The following INO80D variants were observed in gnomAD, a reference collection of about 807,000 sequenced individuals.
INO80D encodes INO80 complex subunit D.
INO80D carries 21 observed loss-of-function variants against 87.6 expected under a neutral mutation model. The ratio of observed to expected loss-of-function variants is 0.24; its 90% CI spans 0.17 to 0.35. The LOEUF is 0.35. Among genes scored for constraint, INO80D ranks in the 10% least tolerant of loss-of-function variants. INO80D has a pLI of 1.00. For missense variants in INO80D, 982 were observed against 1,280.7 expected (o/e 0.77, Z 3.56); for synonymous variants, 440 against 491.0 (o/e 0.90, Z 1.37).
chr2:206,040,178 A>G (rs1425124545), intron 5 of INO80D, among the ~76,000 whole-genome samples: 1 of 151,366 alleles, frequency 6.6e-6, no homozygotes, highest in Non-Finnish European at 1.5e-5. Context: ...CTGTAATCCC[A>G]GCTACTCAGG....
chr2:206,010,576 A>G (rs768380893), intron 8 of INO80D, among the ~76,000 whole-genome samples: 3 of 152,226 alleles, frequency 2.0e-5, no homozygotes, highest in Non-Finnish European at 4.4e-5. Flanking sequence ...TAATTCCCTA[A>G]TAACTCTTGT....
intron 4 of INO80D, among the ~76,000 whole-genome samples, chr2:206,052,993 T>C (rs1689415988): frequency 6.6e-6 from 1 of 152,012 alleles, no homozygotes; most frequent in Non-Finnish European, 1.5e-5. Flanking sequence ...AAGGCAATAA[T>C]AACAATAATA....
intron 3 of INO80D, among the ~76,000 whole-genome samples, chr2:206,057,348 G>A (rs934132867): frequency 2.6e-5 from 4 of 151,964 alleles, no homozygotes; most frequent in South Asian, 2.1e-4. Flanking sequence ...TAAAGTATTC[G>A]GAGATTCACA....
In INO80D at chr2:206,085,353, G is replaced by A. The variant is rs1264840511; in HGVS notation, c.-124+548C>T. Among the ~76,000 whole-genome samples the A allele has an allele frequency of 6.6e-6, 1 of 151,828 alleles. No individual in the cohort carries two copies. Among genetic ancestry groups the A allele is most frequent in the African/African-American group, 2.4e-5 (1 of 41,380 alleles). ...GGGGCCGTCTGCGAGAGACCCGGGG[G>A]AAGGGGAGCCGGGCGCCCATTCCCC... On this transcript the variant is annotated intron_variant, in intron 1 of 10. Coordinates refer to ENST00000403263, the MANE Select transcript of INO80D (RefSeq NM_017759.5). The surrounding 1 kb of genome is among the most constrained non-coding windows in gnomAD (Gnocchi z 4.5).
Position 206,085,433 on chromosome 2 carries a change from C to T in INO80D, c.-124+468G>A, listed in dbSNP as rs1215703011. ...GTCCCGGCAGCCCGGGCCTGCCGCC[C>T]CGCGGGAAAGCCTCCGGGCCGGCGC... is the stretch of plus-strand genomic sequence containing the variant. On this transcript the variant is annotated intron_variant, in intron 1 of 10. Coordinates refer to ENST00000403263, the MANE Select transcript of INO80D (RefSeq NM_017759.5). This position sits in a 1 kb window ranked among gnomAD's most constrained non-coding sequence, Gnocchi z 4.5. 2.6e-5 allele frequency: 4 copies of T among 151,888 alleles called. No homozygotes were observed. Among genetic ancestry groups the T allele is most frequent in the African/African-American group, 9.7e-5 (4 of 41,362 alleles). The allele number at this position is 151,888 out of a possible 1,614,324, so 9.4% of individuals were successfully genotyped here.
intron 6 of INO80D, among the ~76,000 whole-genome samples, chr2:206,025,953 A>G (rs1688605340): frequency 6.6e-6 from 1 of 151,940 alleles, no homozygotes; most frequent in African/African-American, 2.4e-5. Flanking sequence ...GCTAGAGCAC[A>G]ATGGTGTGAT....
Position 206,009,731 on chromosome 2 carries a change from T to C in INO80D, c.1606A>G (p.Lys536Glu). ...GTTAGTGCAGGAGGCTTGGTTTTTT[T>C]CCTGGGTTTCCTCTGCTGCTGGTGC... ...VQHQQQRKPRKKTKPPALTKK... is the reference protein window; with the variant it reads ...VQHQQQRKPREKTKPPALTKK... Residue 536 changes from lysine to glutamate, a missense_variant, in exon 9 of 11, where the codon AAA becomes GAA. Physicochemically the swap from Lys to Glu is moderately conservative, Grantham distance 56. Coordinates refer to ENST00000403263, the MANE Select transcript of INO80D (RefSeq NM_017759.5). 1.2e-6 allele frequency: 2 copies of C among 1,613,970 alleles called. No individual in the cohort carries two copies. The highest frequency in any genetic ancestry group is 1.7e-6 in the Non-Finnish European group (2 of 1,179,870).
At chr2:206,058,456 C>T (rs557456627) in intron 3 of INO80D, among the ~76,000 whole-genome samples, 17 of 151,118 alleles carry the variant, frequency 1.1e-4, no homozygotes, top group African/African-American at 3.6e-4. Context: ...ATAAAAGGGC[C>T]GGGCGCAGTG....
In INO80D at chr2:206,005,170, T is replaced by C. The variant is rs1377943660; in HGVS notation, c.2282A>G (p.Asn761Ser). 2 of 1,613,860 alleles carry C rather than the reference T, an allele frequency of 1.2e-6. No individual in the cohort carries two copies. Among genetic ancestry groups the C allele is most frequent in the Admixed American group, 3.3e-5 (2 of 60,002 alleles). ...QIQGQFSAPANVGLTSATLIS... is the reference protein window; with the variant it reads ...QIQGQFSAPASVGLTSATLIS... ...CAGAGTGGCAGAAGTAAGGCCAACG[T>C]TGGCTGGGGCAGAGAACTGCCCCTG... is the stretch of plus-strand genomic sequence containing the variant. Residue 761 changes from asparagine to serine, a missense_variant, in exon 11 of 11, where the codon AAC (asparagine) becomes AGC (serine). By Grantham distance (46) the Asn-to-Ser change is conservative. Coordinates refer to ENST00000403263, the MANE Select transcript of INO80D (RefSeq NM_017759.5).
At chr2:206,017,926 T>C (rs1404670143) in intron 7 of INO80D, 113 bp from the exon 8 acceptor site, 9 of 870,212 alleles carry the variant, frequency 1.0e-5, no homozygotes, top group Middle Eastern at 5.6e-4. Flanking sequence ...TTATCCATAA[T>C]ATAAATATTA....
At chr2:206,031,746 G>C (rs1243062721) in intron 5 of INO80D, among the ~76,000 whole-genome samples, 1 of 152,200 alleles carries the variant, frequency 6.6e-6, no homozygotes, top group Non-Finnish European at 1.5e-5. Flanking sequence ...CTTGCATAGT[G>C]AATTTTATCT....
At chr2:206,040,653 G>T in intron 5 of INO80D, 1 of 229,362 alleles carries the variant, frequency 4.4e-6, no homozygotes, top group Non-Finnish European at 9.5e-6. Context: ...CTTTTGTGAA[G>T]GTTTATAACT....
At chr2:206,011,399 A>G (rs1282625344) in intron 8 of INO80D, among the ~76,000 whole-genome samples, 1 of 152,178 alleles carries the variant, frequency 6.6e-6, no homozygotes, top group African/African-American at 2.4e-5. Context: ...GTACTATGCC[A>G]GATACTTCAC....
intron 5 of INO80D, among the ~76,000 whole-genome samples, chr2:206,031,662 G>A (rs1463808982): frequency 2.6e-5 from 4 of 152,230 alleles, no homozygotes; most frequent in Non-Finnish European, 5.9e-5. Flanking sequence ...AAATAGTGGA[G>A]TGATCATCAT....
chr2:206,073,316 C>G (rs1013428079), intron 1 of INO80D, among the ~76,000 whole-genome samples: 2 of 152,146 alleles, frequency 1.3e-5, no homozygotes, highest in African/African-American at 4.8e-5. Flanking sequence ...TCACTCTTTA[C>G]CCCTAGCCTT....
At chr2:206,017,214 T>G (rs1261921702) in intron 8 of INO80D, among the ~76,000 whole-genome samples, 1 of 152,228 alleles carries the variant, frequency 6.6e-6, no homozygotes, top group Non-Finnish European at 1.5e-5. Context: ...CCTAGGAAAG[T>G]ATCTTGCAGT....
chr2:206,080,759 T>C (rs1690256038), intron 1 of INO80D, among the ~76,000 whole-genome samples: 1 of 151,470 alleles, frequency 6.6e-6, no homozygotes, highest in African/African-American at 2.4e-5. Context: ...TAGAAAAAAT[T>C]AGCCGGGTGT....
At chr2:206,066,343 A>G (rs564207026) in intron 1 of INO80D, among the ~76,000 whole-genome samples, 1 of 152,310 alleles carries the variant, frequency 6.6e-6, no homozygotes, top group East Asian at 1.9e-4. Context: ...ATTTTTCCAA[A>G]GAAAAGGAAA....
rs779368204 is a variant in INO80D at position 206,005,290 on chromosome 2, A to G, written c.2162T>C (p.Ile721Thr). 2 of 1,613,980 alleles carry G rather than the reference A, an allele frequency of 1.2e-6. No homozygotes were observed. The highest frequency in any genetic ancestry group is 2.2e-5 in the East Asian group (1 of 44,890). The change falls in exon 11 of 11, where the codon ATA becomes ACA. Residue 721 changes from isoleucine to threonine, a missense_variant. Coordinates refer to ENST00000403263, the MANE Select transcript of INO80D (RefSeq NM_017759.5). ...TAGACTAGAAAAATTATCATGTACT[A>G]TACGCCCATTCAATAGCTCCCCTAG... is the stretch of plus-strand genomic sequence containing the variant. ...TDLGELLNGR[I>T]VHDNFSSLEL... is the part of the protein sequence containing the mutation.
Sources: allele counts gnomAD v4.1 joint callset (sites outside exome capture counted in the v4.1 genomes callset), GRCh38; gene constraint gnomAD v4.1.1; non-coding constraint Gnocchi (gnomAD v3.1); transcripts MANE v1.5; gene names NCBI Gene and HGNC (gene_info 2026-07-23, HGNC 2026-07-21).